The following NKAIN2 variants were observed in gnomAD, a reference collection of about 807,000 sequenced individuals.
The protein encoded by NKAIN2 is sodium/potassium transporting ATPase interacting 2, also known as sodium/potassium-transporting ATPase subunit beta-1-interacting protein 2.
In NKAIN2, 14 loss-of-function variants were observed where a neutral mutation model predicts 32.6. The ratio of observed to expected loss-of-function variants is 0.43; its 90% CI spans 0.28 to 0.67. NKAIN2 has a LOEUF of 0.67. Among genes scored for constraint, NKAIN2 ranks in the 30% least tolerant of loss-of-function variants. NKAIN2 has a pLI of 0.17. For missense variants in NKAIN2, 198 were observed against 258.3 expected, an observed-to-expected ratio of 0.77 and a Z score of 1.60; for synonymous variants, 80 against 87.2, an observed-to-expected ratio of 0.92 and a Z score of 0.46.
At chr6:124,055,799 G>A (rs1335525825) in intron 1 of NKAIN2, among the ~76,000 whole-genome samples, 2 of 151,944 alleles carry the variant, frequency 1.3e-5, no homozygotes, top group East Asian at 3.9e-4. Flanking sequence ...TGCATTATTT[G>A]TATGTATTTT....
chr6:123,827,758 A>G (rs558118255), intron 1 of NKAIN2, among the ~76,000 whole-genome samples: 7 of 152,108 alleles, frequency 4.6e-5, no homozygotes, highest in Non-Finnish European at 1.0e-4. Context: ...TGTAAGTTAG[A>G]TCTAGAGACA....
At chr6:124,057,788 TAA>T (rs1330194849) in intron 1 of NKAIN2, among the ~76,000 whole-genome samples, 1 of 151,988 alleles carries the variant, frequency 6.6e-6, no homozygotes, top group East Asian at 1.9e-4. Context: ...ACTTCATTTG[TAA>T]AGAGAGTTGT....
rs183532615 is a variant in NKAIN2 at position 124,447,830 on chromosome 6, C to T, written c.273+92483C>T. 5.1e-4 allele frequency among the ~76,000 whole-genome samples: 77 copies of T among 152,260 alleles called. 1 individual carries two copies. Among genetic ancestry groups the T allele is most frequent in the Admixed American group, 2.9e-3 (44 of 15,282 alleles). On this transcript the variant is annotated intron_variant, in intron 3 of 6. Transcript: ENST00000368417. ...GTGCAACTGAAACTCATTCTCTCCA[C>T]TCCTCACCCTGTGGCACATATTAAC...
chr6:124,113,901 TGAA>T (rs1785495941), intron 1 of NKAIN2, among the ~76,000 whole-genome samples: 1 of 152,320 alleles, frequency 6.6e-6, no homozygotes, highest in East Asian at 1.9e-4. Flanking sequence ...TATGCTTGTA[TGAA>T]GAAGGAGAGT....
At chr6:124,154,299 C>G (rs1787873368) in intron 1 of NKAIN2, among the ~76,000 whole-genome samples, 1 of 151,868 alleles carries the variant, frequency 6.6e-6, no homozygotes, top group Non-Finnish European at 1.5e-5. Flanking sequence ...AAATGTTTCT[C>G]AAGTCATGAG....
chr6:124,117,968 A>T (rs919090336), intron 1 of NKAIN2, among the ~76,000 whole-genome samples: 1 of 151,740 alleles, frequency 6.6e-6, no homozygotes, highest in Admixed American at 6.6e-5. Context: ...AACTAAGGAA[A>T]TCTGGTTCTC....
intron 1 of NKAIN2, among the ~76,000 whole-genome samples, chr6:124,000,134 A>T (rs1471636582): frequency 6.6e-6 from 1 of 152,086 alleles, no homozygotes; most frequent in East Asian, 1.9e-4. Flanking sequence ...CCAAAACGAC[A>T]CTTTCTTAGC....
chr6:124,567,542 A>G (rs986540900), intron 3 of NKAIN2, among the ~76,000 whole-genome samples: 2 of 152,164 alleles, frequency 1.3e-5, no homozygotes, highest in African/African-American at 4.8e-5. Context: ...CGTTTCTAAC[A>G]CTCAGCTTTT....
intron 3 of NKAIN2, among the ~76,000 whole-genome samples, chr6:124,384,482 TAATTA>T (rs1296612339): frequency 6.6e-6 from 1 of 152,192 alleles, no homozygotes; most frequent in Non-Finnish European, 1.5e-5. Context: ...TGCCACTTAA[TAATTA>T]AATTATGTGC....
intron 1 of NKAIN2, among the ~76,000 whole-genome samples, chr6:124,160,757 ATTAAAAATGTTTTAATT>A (rs1562393134): frequency 6.6e-6 from 1 of 152,164 alleles, no homozygotes; most frequent in Admixed American, 6.6e-5. Flanking sequence ...ATATGCATGT[ATTAAAAATGTTTTAATT>A]TTTTTAGAAT....
intron 4 of NKAIN2, among the ~76,000 whole-genome samples, chr6:124,734,101 G>A (rs1776822156): frequency 7.3e-6 from 1 of 137,900 alleles, no homozygotes; most frequent in Non-Finnish European, 1.6e-5. Context: ...ACAATGATGG[G>A]GGTATGTCAA....
At chr6:124,688,341 T>C (rs972109233) in intron 4 of NKAIN2, among the ~76,000 whole-genome samples, 6 of 152,068 alleles carry the variant, frequency 3.9e-5, no homozygotes, top group African/African-American at 1.4e-4. Flanking sequence ...AGAGCCATTT[T>C]AGATTAATAG....
rs1207795077 is a variant in NKAIN2 at position 123,857,318 on chromosome 6, C to G, written c.54+53064C>G. On this transcript the variant is annotated intron_variant, in intron 1 of 6. Coordinates refer to ENST00000368417, the MANE Select transcript of NKAIN2 (RefSeq NM_001040214.3). ...TTGGACAGTGCGACCAGGGGCTTTT[C>G]AATGTGTATATTATTTACTTGGTAG... 2.0e-5 allele frequency among the ~76,000 whole-genome samples: 3 copies of G among 150,538 alleles called. No homozygotes were observed. The East Asian group carries it at 5.9e-4, about 29-fold the overall frequency.
intron 1 of NKAIN2, among the ~76,000 whole-genome samples, chr6:124,192,890 C>T (rs1226070234): frequency 6.6e-6 from 1 of 151,914 alleles, no homozygotes; most frequent in Non-Finnish European, 1.5e-5. Context: ...GCTGGGACTA[C>T]AGGCGCCCGC....
At chr6:123,847,955 A>G (rs538502219) in intron 1 of NKAIN2, among the ~76,000 whole-genome samples, 4 of 152,144 alleles carry the variant, frequency 2.6e-5, no homozygotes, top group Non-Finnish European at 4.4e-5. Flanking sequence ...TACTTCAAAC[A>G]TGAGCACCTT....
chr6:124,155,470 T>C (rs187329083), intron 1 of NKAIN2, among the ~76,000 whole-genome samples: 3 of 152,066 alleles, frequency 2.0e-5, no homozygotes, highest in Admixed American at 6.5e-5. Context: ...ATTTAAATGT[T>C]GAATGAGGTA....
chr6:124,738,004 A>C lies in NKAIN2; in HGVS notation c.475-53335A>C, dbSNP rs139951140. 4.9e-4 allele frequency among the ~76,000 whole-genome samples: 74 copies of C among 152,038 alleles called. 1 individual carries two copies. The highest frequency in any genetic ancestry group is 1.7e-3 in the African/African-American group (69 of 41,524). On this transcript the variant is annotated intron_variant, in intron 4 of 6. Coordinates refer to ENST00000368417, the MANE Select transcript of NKAIN2 (RefSeq NM_001040214.3). ...GCCTGATGATGCAATAGCAAAGGAA[A>C]ACCCATTTTCTGAAGAGAAATTCAA... is the stretch of plus-strand genomic sequence containing the variant.
intron 3 of NKAIN2, among the ~76,000 whole-genome samples, chr6:124,438,579 G>A (rs530541276): frequency 1.2e-4 from 18 of 152,232 alleles, no homozygotes; most frequent in Non-Finnish European, 2.5e-4. Context: ...CCTTTCACTT[G>A]TCATCCTCTC....
intron 3 of NKAIN2, among the ~76,000 whole-genome samples, chr6:124,630,231 G>T (rs978652947): frequency 6.6e-6 from 1 of 152,110 alleles, no homozygotes; most frequent in Non-Finnish European, 1.5e-5. Context: ...AAGTTATAAA[G>T]CAGAGTGGCT....
Sources: allele counts gnomAD v4.1 joint callset (sites outside exome capture counted in the v4.1 genomes callset), GRCh38; gene constraint gnomAD v4.1.1; transcripts MANE v1.5; gene names NCBI Gene and HGNC (gene_info 2026-07-23, HGNC 2026-07-21).